RFTN1: variants seen among roughly 807,000 people sequenced by gnomAD.
RFTN1 encodes raftlin.
RFTN1 carries 26 observed loss-of-function variants against 46.5 expected under a neutral mutation model. The observed-to-expected ratio is 0.56, with a 90% CI of 0.41 to 0.78. The LOEUF is 0.78. RFTN1 is among the 30% of genes least tolerant of loss of function. The pLI is 0.00. For synonymous variants in RFTN1, 261 were observed against 284.2 expected (o/e 0.92, Z 0.82); for missense variants, 693 against 718.7 (o/e 0.96, Z 0.41).
chr3:16,355,277 A>C (rs189173266), intron 7 of RFTN1, among the ~76,000 whole-genome samples: 7 of 152,214 alleles, frequency 4.6e-5, no homozygotes, highest in African/African-American at 1.7e-4. Flanking sequence ...TCTTGGTACC[A>C]ATTTCTGTCT....
chr3:16,358,093 T>G (rs1347698051), intron 6 of RFTN1, 46 bp from the exon 7 acceptor site: 1 of 1,052,968 alleles, frequency 9.5e-7, no homozygotes, highest in East Asian at 2.4e-5. Flanking sequence ...CTGTAAACCG[T>G]CTGTGGCAGA....
Position 16,513,617 on chromosome 3 carries a change from C to A in RFTN1, c.-184G>T, listed in dbSNP as rs1354326489. Reference sequence around the variant, plus strand: ...GTCGTGTGTCTGTCCCTCCGGCGATCGGTGCGTCTGTCCCTCGCCGGAGCC... The same window carrying A: ...GTCGTGTGTCTGTCCCTCCGGCGATAGGTGCGTCTGTCCCTCGCCGGAGCC... On this transcript the variant is annotated 5_prime_UTR_variant, in exon 1 of 10. Coordinates refer to ENST00000334133, the MANE Select transcript of RFTN1 (RefSeq NM_015150.2). The surrounding 1 kb of genome is among the most constrained non-coding windows in gnomAD (Gnocchi z 5.4). 1 of 152,168 alleles carries A rather than the reference C, an allele frequency of 6.6e-6. No individual in the cohort carries two copies. The highest frequency in any genetic ancestry group is 1.9e-4 in the South Asian group (1 of 5,376). The allele number at this position is 152,168 out of a possible 1,614,324, so 9.4% of individuals were successfully genotyped here. A position where few individuals can be genotyped will look rare whatever the true frequency, so the allele number is the denominator to read the frequency against.
intron 2 of RFTN1, among the ~76,000 whole-genome samples, chr3:16,482,126 C>T (rs1030457151): frequency 6.6e-6 from 1 of 152,128 alleles, no homozygotes; most frequent in African/African-American, 2.4e-5. Flanking sequence ...AATGTGGCTC[C>T]GGACCCTCAG....
intron 7 of RFTN1, among the ~76,000 whole-genome samples, chr3:16,357,698 C>T (rs2072542499): frequency 1.3e-5 from 2 of 152,146 alleles, no homozygotes; most frequent in Non-Finnish European, 2.9e-5. Context: ...ACCAAATGGC[C>T]AGGCACATGC....
Position 16,380,816 on chromosome 3 carries a change from T to C in RFTN1, c.442-2714A>G, listed in dbSNP as rs2073965279. Reference sequence around the variant, plus strand: ...CACTGCTGCATCCCCAGTAATAGAATGATGTCTGACATATAGCAGGTCCTC... The same window carrying C: ...CACTGCTGCATCCCCAGTAATAGAACGATGTCTGACATATAGCAGGTCCTC... On this transcript the variant is annotated intron_variant, in intron 4 of 9. Coordinates refer to ENST00000334133, the MANE Select transcript of RFTN1 (RefSeq NM_015150.2). This position sits in a 1 kb window ranked among gnomAD's most constrained non-coding sequence, Gnocchi z 4.8. Among the ~76,000 whole-genome samples the C allele has an allele frequency of 6.6e-6, 1 of 152,216 alleles. No homozygotes were observed. Among genetic ancestry groups the C allele is most frequent in the Non-Finnish European group, 1.5e-5 (1 of 68,028 alleles).
intron 4 of RFTN1, among the ~76,000 whole-genome samples, chr3:16,391,882 G>T (rs4638944): frequency 0.35 from 8,007 of 22,640 alleles, 1,582 homozygotes; most frequent in East Asian, 0.64. Flanking sequence ...TTTTTTTTTT[G>T]TTTTTTTTTT....
chr3:16,389,846 C>T (rs577253430), intron 4 of RFTN1, among the ~76,000 whole-genome samples: 3 of 152,334 alleles, frequency 2.0e-5, no homozygotes, highest in East Asian at 3.9e-4. Context: ...ACGGCCTCAA[C>T]CAATGAGTAG....
chr3:16,503,253 C>T (rs564452228), intron 1 of RFTN1, among the ~76,000 whole-genome samples: 7 of 152,264 alleles, frequency 4.6e-5, no homozygotes, highest in Middle Eastern at 3.4e-3. Flanking sequence ...CAGCAGCATC[C>T]AGGATCTTGT....
intron 4 of RFTN1, among the ~76,000 whole-genome samples, chr3:16,389,290 C>T (rs894773061): frequency 1.1e-4 from 16 of 152,156 alleles, no homozygotes; most frequent in East Asian, 3.8e-4. Context: ...GAAACTCCCA[C>T]GGTAAACAAG....
Position 16,475,718 on chromosome 3 carries a change from T to C in RFTN1, c.145+18007A>G, listed in dbSNP as rs2124958592. 6.6e-6 allele frequency among the ~76,000 whole-genome samples: 1 copy of C among 152,334 alleles called. No individual in the cohort carries two copies. Among genetic ancestry groups the C allele is most frequent in the Non-Finnish European group, 1.5e-5 (1 of 68,020 alleles). ...GAGAATCACTGAGGATTGAGATCCC[T>C]AGGTTATTCCACCGGGTAATAAATA... On this transcript the variant is annotated intron_variant, in intron 2 of 9. Transcript: ENST00000334133. This position sits in a 1 kb window ranked among gnomAD's most constrained non-coding sequence, Gnocchi z 4.2.
chr3:16,496,757 C>T (rs140665714), intron 1 of RFTN1, among the ~76,000 whole-genome samples: 1 of 152,118 alleles, frequency 6.6e-6, no homozygotes, highest in African/African-American at 2.4e-5. Context: ...TACATATGGG[C>T]ATCGAAAGAC....
intron 3 of RFTN1, among the ~76,000 whole-genome samples, chr3:16,416,679 T>C (rs2075087328): frequency 1.3e-5 from 2 of 152,066 alleles, no homozygotes; most frequent in African/African-American, 2.4e-5. Flanking sequence ...AACAAGTCCA[T>C]GGAAAAGGGA....
At position 16,440,697 on chromosome 3, in the gene RFTN1, GCC is replaced by G. The variant is rs147792004; in HGVS notation, c.146-6662_146-6661del. 6.6e-6 allele frequency among the ~76,000 whole-genome samples: 1 copy of G among 151,126 alleles called. No homozygotes were observed. The highest frequency in any genetic ancestry group is 2.5e-5 in the African/African-American group (1 of 40,572). ...GATGGTTACTGCTAATGGGGGGGGG[GCC>G]CAATGGTGCCAGAACTTCTAACTCT... is the stretch of plus-strand genomic sequence containing the variant. On this transcript the variant is annotated intron_variant, in intron 2 of 9. Transcript: ENST00000334133. The surrounding 1 kb of genome is among the most constrained non-coding windows in gnomAD (Gnocchi z 4.6).
rs924553161 is a variant in RFTN1, at chr3:16,484,572, T to C, written c.145+9153A>G. The C allele has an allele frequency of 2.6e-5, 4 of 152,164 alleles. No homozygotes were observed. The highest frequency in any genetic ancestry group is 1.3e-4 in the Admixed American group (2 of 15,286). 9.4% of individuals were successfully genotyped at this position (152,164 alleles called of 1,614,324 possible). On this transcript the variant is annotated intron_variant, in intron 2 of 9. Coordinates refer to ENST00000334133, the MANE Select transcript of RFTN1 (RefSeq NM_015150.2). This position sits in a 1 kb window ranked among gnomAD's most constrained non-coding sequence, Gnocchi z 4.6. ...CAGCAGTGTGGAATGATCCTCGAAA[T>C]TGTAATGCGTGTCATGGGAATGTCT...
Position 16,349,643 on chromosome 3 carries a change from T to C in RFTN1, c.1146+8289A>G, listed in dbSNP as rs559462070. On this transcript the variant is annotated intron_variant, in intron 7 of 9. Coordinates refer to ENST00000334133, the MANE Select transcript of RFTN1 (RefSeq NM_015150.2). Reference sequence around the variant, plus strand: ...GACAATAAAAATGGGATTATTCAACTCCTATTTTACTTGCTTTTCTACAAG... The same window carrying C: ...GACAATAAAAATGGGATTATTCAACCCCTATTTTACTTGCTTTTCTACAAG... The C allele has an allele frequency of 3.9e-5, 6 of 152,376 alleles. No individual in the cohort carries two copies. The East Asian group carries it at 1.2e-3, about 29-fold the overall frequency. The allele number at this position is 152,376 out of a possible 1,614,324, so 9.4% of individuals were successfully genotyped here.
chr3:16,334,119 C>T lies in RFTN1; in HGVS notation c.1147-7243G>A, dbSNP rs1422445453. ...GGCAGAAGCTGCAGTGAGCCGAGAT[C>T]GTGCCACTGCACTCCAGCCTGGGCG... On this transcript the variant is annotated intron_variant, in intron 7 of 9. Coordinates refer to ENST00000334133, the MANE Select transcript of RFTN1 (RefSeq NM_015150.2). This position sits in a 1 kb window ranked among gnomAD's most constrained non-coding sequence, Gnocchi z 4.3. Among the ~76,000 whole-genome samples the T allele has an allele frequency of 6.6e-5, 10 of 152,122 alleles. No individual in the cohort carries two copies. The highest frequency in any genetic ancestry group is 9.7e-5 in the African/African-American group (4 of 41,428).
At position 16,376,692 on chromosome 3, in the gene RFTN1, T is replaced by C. The variant is rs2073786793; in HGVS notation, c.826+1026A>G. Among the ~76,000 whole-genome samples, 1 of 152,220 alleles carries C rather than the reference T, an allele frequency of 6.6e-6. No homozygotes were observed. The highest frequency in any genetic ancestry group is 6.5e-5 in the Admixed American group (1 of 15,284). ...TCAATGCCTTGATTAAACAATAGTC[T>C]TACTACATCACAAAACTGACGCAGC... On this transcript the variant is annotated intron_variant, in intron 5 of 9. Transcript: ENST00000334133. This position sits in a 1 kb window ranked among gnomAD's most constrained non-coding sequence, Gnocchi z 4.7.
chr3:16,455,283 G>C (rs2075886836), intron 2 of RFTN1, among the ~76,000 whole-genome samples: 1 of 152,164 alleles, frequency 6.6e-6, no homozygotes, highest in South Asian at 2.1e-4. Context: ...TATTTTCAGG[G>C]GGTGAGGAAT....
At chr3:16,395,160 G>T (rs1346965607) in intron 4 of RFTN1, among the ~76,000 whole-genome samples, 2 of 152,270 alleles carry the variant, frequency 1.3e-5, no homozygotes, top group East Asian at 3.9e-4. Context: ...TTCCTCAAAT[G>T]TTATATGCCA....
Sources: allele counts gnomAD v4.1 joint callset (sites outside exome capture counted in the v4.1 genomes callset), GRCh38; gene constraint gnomAD v4.1.1; non-coding constraint Gnocchi (gnomAD v3.1); transcripts MANE v1.5; gene names NCBI Gene and HGNC (gene_info 2026-07-23, HGNC 2026-07-21).